Variants in SMTN observed in about 807,000 individuals in gnomAD.
SMTN encodes smoothelin.
In SMTN, 58 loss-of-function variants were observed where a neutral mutation model predicts 102.0. The observed-to-expected ratio is 0.57, with a 90% CI of 0.46 to 0.71. SMTN has a LOEUF of 0.71. SMTN is among the 30% of genes least tolerant of loss of function. SMTN has a pLI of 0.00. For synonymous variants in SMTN, 478 were observed against 497.9 expected (o/e 0.96, Z 0.53); for missense variants, 1,185 against 1,241.7 (o/e 0.95, Z 0.69).
At chr22:31,086,960 G>C (rs2147623189) in intron 2 of SMTN, 1 of 152,382 alleles carries the variant, frequency 6.6e-6, no homozygotes, top group South Asian at 2.1e-4. Flanking sequence ...ATGATAGAGG[G>C]TTCTTTGGCC....
At chr22:31,084,072 C>A (rs898031858) in intron 2 of SMTN, among the ~76,000 whole-genome samples, 15 of 152,170 alleles carry the variant, frequency 9.9e-5, no homozygotes, top group African/African-American at 3.6e-4. Flanking sequence ...AGGCATGGAC[C>A]CAGATCTCAG....
intron 1 of SMTN, among the ~76,000 whole-genome samples, chr22:31,073,705 A>T (rs7287041): frequency 0.24 from 35,896 of 152,164 alleles, 5,613 homozygotes; most frequent in African/African-American, 0.45. Context: ...TGAATAAAAC[A>T]GTGTATCAGT....
chr22:31,088,971 T>C lies in SMTN; in HGVS notation c.471+2T>C. On this transcript the variant is annotated splice_donor_variant, in intron 6 of 20. Coordinates refer to ENST00000333137, the MANE Select transcript of SMTN (RefSeq NM_134269.3). LOFTEE classifies it high-confidence loss of function. The stretch of plus-strand genomic sequence containing the variant: ...GCACACAGGCTGGAACAGTGTGAGG[T>C]AAGGAGGGTGGGAGAGTGGCCCAGT... 1 of 1,612,188 alleles carries C rather than the reference T, an allele frequency of 6.2e-7. No individual in the cohort carries two copies. The highest frequency in any genetic ancestry group is 1.1e-5 in the South Asian group (1 of 91,026).
intron 11 of SMTN, among the ~76,000 whole-genome samples, chr22:31,092,238 A>G (rs1021272368): frequency 9.2e-5 from 14 of 152,188 alleles, no homozygotes; most frequent in African/African-American, 2.7e-4. Context: ...CACACTGGAC[A>G]TCAGCCCCGA....
chr22:31,075,936 T>A (rs1342777781), intron 1 of SMTN, among the ~76,000 whole-genome samples: 1 of 152,160 alleles, frequency 6.6e-6, no homozygotes, highest in Non-Finnish European at 1.5e-5. Flanking sequence ...TATGAGACCA[T>A]GGGGGACCCC....
At chr22:31,086,477 A>G (rs2042709662) in intron 2 of SMTN, among the ~76,000 whole-genome samples, 1 of 151,994 alleles carries the variant, frequency 6.6e-6, no homozygotes, top group South Asian at 2.1e-4. Flanking sequence ...CATAAATGTT[A>G]CTGATGCCTC....
Position 31,104,411 on chromosome 22 carries a change from C to T in SMTN, c.*116C>T. ...AAGTGTGTCTTCACCTATGTGCAGT[C>T]GCTCTACAACCACCTGCGACGCCAC... is the stretch of plus-strand genomic sequence containing the variant. On this transcript the variant is annotated 3_prime_UTR_variant, in exon 21 of 21. Coordinates refer to ENST00000333137, the MANE Select transcript of SMTN (RefSeq NM_134269.3). 1 of 1,614,126 alleles carries T rather than the reference C, an allele frequency of 6.2e-7. No homozygotes were observed. Among genetic ancestry groups the T allele is most frequent in the Non-Finnish European group, 8.5e-7 (1 of 1,180,012 alleles).
chr22:31,085,256 A>T, intron 2 of SMTN: 1 of 1,524,234 alleles, frequency 6.6e-7, no homozygotes. Flanking sequence ...GTGTCTTCCT[A>T]CCTGGCTACC....
chr22:31,090,603 G>T (rs887685893), intron 8 of SMTN, among the ~76,000 whole-genome samples: 1 of 152,094 alleles, frequency 6.6e-6, no homozygotes, highest in Non-Finnish European at 1.5e-5. Flanking sequence ...GGAGAAGGAG[G>T]TGCCTGTAGG....
intron 11 of SMTN, among the ~76,000 whole-genome samples, chr22:31,094,807 G>C (rs1455151324): frequency 1.3e-5 from 2 of 151,840 alleles, no homozygotes; most frequent in Non-Finnish European, 2.9e-5. Flanking sequence ...TCAGCTTTCT[G>C]AGTAGGTGGG....
chr22:31,090,352 C>A (rs373197103), intron 8 of SMTN, among the ~76,000 whole-genome samples, 172 bp downstream of exon 8: 2 of 150,326 alleles, frequency 1.3e-5, no homozygotes, highest in Non-Finnish European at 3.0e-5. Flanking sequence ...GCTAGGCCAG[C>A]CTCCCCCTCC....
At chr22:31,091,941 C>G (rs1215136604) in intron 11 of SMTN, 94 bp downstream of exon 11, 4 of 1,189,744 alleles carry the variant, frequency 3.4e-6, no homozygotes, top group South Asian at 1.6e-5. Context: ...CTGCTCCTCC[C>G]CTACTGCACA....
Position 31,091,291 on chromosome 22 carries a change from C to T in SMTN, c.1268C>T (p.Ala423Val). 2 of 1,599,920 alleles carry T rather than the reference C, an allele frequency of 1.3e-6. No individual in the cohort carries two copies. Among genetic ancestry groups the T allele is most frequent in the African/African-American group, 1.3e-5 (1 of 74,852 alleles). Reference sequence around the variant, plus strand: ...GGCCCCAGGGGGCGGGGCTTGGCTGCTAGGCCCCTTGAAAACAGAGCAGGG... The same window carrying T: ...GGCCCCAGGGGGCGGGGCTTGGCTGTTAGGCCCCTTGAAAACAGAGCAGGG... ...EEGPRGRGLA[A>V]RPLENRAGGP... Residue 423 changes from alanine (A) to valine (V), a missense_variant, in exon 10 of 21, where the codon GCT (alanine) becomes GTT (valine). By Grantham distance (64) the Ala-to-Val change is moderately conservative. Transcript: ENST00000333137.
rs753045300 is a variant in SMTN, at chr22:31,095,562, G to T, written c.1814G>T (p.Arg605Leu). The T allele has an allele frequency of 6.2e-7, 1 of 1,613,902 alleles. No individual in the cohort carries two copies. Among genetic ancestry groups the T allele is most frequent in the Non-Finnish European group, 8.5e-7 (1 of 1,179,988 alleles). The change falls in exon 13 of 21, where the codon CGG becomes CTG. Residue 605 changes from arginine to leucine, a missense_variant. Coordinates refer to ENST00000333137, the MANE Select transcript of SMTN (RefSeq NM_134269.3). The surrounding 1 kb of genome is among the most constrained non-coding windows in gnomAD (Gnocchi z 4.1). ...GATCAGAGCACGGACTTTGAAGAGC[G>T]GAAGCTCATCCGGGCTGCACTTCGT... ...MLDQSTDFEE[R>L]KLIRAALREL...
At chr22:31,065,586 G>A (rs1602569979) in intron 1 of SMTN, 1 of 152,030 alleles carries the variant, frequency 6.6e-6, no homozygotes, top group Non-Finnish European at 1.5e-5. Flanking sequence ...CTGACCTCAG[G>A]TGATTCGCCC....
rs185504868 is a variant in SMTN, at chr22:31,083,267, C to A, written c.9C>A (p.Asp3Glu). The A allele has an allele frequency of 1.3e-6, 2 of 1,596,006 alleles. No individual in the cohort carries two copies. The highest frequency in any genetic ancestry group is 2.3e-5 in the South Asian group (2 of 87,614). Residue 3 changes from aspartate (D) to glutamate (E), a missense_variant, in exon 2 of 21, where the codon GAC (aspartate) becomes GAA (glutamate). Physicochemically the swap from Asp to Glu is conservative, Grantham distance 45. This residue lies in a region of SMTN where 1,096 missense variants were observed against 1,112.7 expected (regional missense o/e 0.98). Coordinates refer to ENST00000333137, the MANE Select transcript of SMTN (RefSeq NM_134269.3). Reference sequence around the variant, plus strand: ...AGCTAGGGGCCAGCGAGATGGCGGACGAGGCCTTAGCTGGGCTGGATGAGG... The same window carrying A: ...AGCTAGGGGCCAGCGAGATGGCGGAAGAGGCCTTAGCTGGGCTGGATGAGG... MA[D>E]EALAGLDEGA... is the part of the protein sequence containing the mutation.
At chr22:31,093,595 C>T in intron 11 of SMTN, 1 of 751,756 alleles carries the variant, frequency 1.3e-6, no homozygotes. Context: ...CACCGTGGAG[C>T]CGGTGGCCCG....
intron 20 of SMTN, chr22:31,104,105 C>T (rs2044306194): frequency 1.7e-6 from 1 of 584,146 alleles, no homozygotes; most frequent in Non-Finnish European, 3.0e-6. Context: ...TCCGCCTCCA[C>T]CTGCCTAGCT....
At chr22:31,081,994 G>A (rs1213823691) in intron 1 of SMTN, among the ~76,000 whole-genome samples, 2 of 152,116 alleles carry the variant, frequency 1.3e-5, no homozygotes, top group Non-Finnish European at 2.9e-5. Flanking sequence ...TACCAGGATG[G>A]GAGGGGGAAC....
Sources: gnomAD v4.1 joint callset for allele counts (sites outside exome capture counted in the v4.1 genomes callset) on GRCh38, gnomAD v4.1.1 for gene constraint, gnomAD v4.1.1 regional missense constraint, Gnocchi (gnomAD v3.1) non-coding constraint, MANE v1.5 for transcripts, NCBI Gene and HGNC (gene_info 2026-07-23, HGNC 2026-07-21) for gene names.